APTX: variants seen among roughly 807,000 people sequenced by gnomAD.
APTX encodes forkhead-associated domain histidine triad-like protein.
APTX carries 33 observed loss-of-function variants against 42.3 expected under a neutral mutation model. That is an observed-to-expected ratio of 0.78 (90% CI 0.59 to 1.04). The LOEUF is 1.04. Among genes scored for constraint, APTX ranks in the 50% least tolerant of loss-of-function variants. The pLI is 0.00. For synonymous variants in APTX, 130 were observed against 146.7 expected (o/e 0.89, Z 0.82); for missense variants, 421 against 415.1 (o/e 1.01, Z -0.12).
chr9:33,012,292 GA>G (rs966703041), intron 1 of APTX, among the ~76,000 whole-genome samples: 4 of 150,362 alleles, frequency 2.7e-5, no homozygotes, highest in African/African-American at 7.3e-5. Flanking sequence ...CATGATTAAA[GA>G]AAAAAAAAGA....
intron 4 of APTX, among the ~76,000 whole-genome samples, chr9:32,986,985 G>A (rs566297034): frequency 2.0e-5 from 3 of 151,666 alleles, no homozygotes; most frequent in Admixed American, 1.3e-4. Context: ...GCTAATTTTT[G>A]TATTTTTAGT....
chr9:32,987,314 G>A (rs1024582810), intron 4 of APTX, among the ~76,000 whole-genome samples: 4 of 152,140 alleles, frequency 2.6e-5, no homozygotes, highest in African/African-American at 9.7e-5. Context: ...TCAATGTTAA[G>A]TACACACTGC....
At chr9:33,006,598 G>C (rs1049214025), upstream of APTX, among the ~76,000 whole-genome samples, 1 of 152,142 alleles carries the variant, frequency 6.6e-6, no homozygotes, top group African/African-American at 2.4e-5. Context: ...AATTCTGAGA[G>C]AGAGTATAGC....
At chr9:33,015,565 G>A (rs1837839736) in intron 1 of APTX, among the ~76,000 whole-genome samples, 1 of 152,082 alleles carries the variant, frequency 6.6e-6, no homozygotes. Context: ...CACCATGTTG[G>A]CCAGGCTGGC....
intron 1 of APTX, chr9:33,019,694 G>T (rs553111278): frequency 1.2e-5 from 6 of 503,974 alleles, no homozygotes; most frequent in Non-Finnish European, 2.1e-5. Context: ...CATTTTCCCA[G>T]GCCAGGCTTA....
intron 5 of APTX, among the ~76,000 whole-genome samples, chr9:32,985,653 T>C (rs1240589469): frequency 6.6e-6 from 1 of 152,142 alleles, no homozygotes; most frequent in African/African-American, 2.4e-5. Flanking sequence ...ACAGTACTAC[T>C]GTCACAGTGT....
intron 5 of APTX, among the ~76,000 whole-genome samples, chr9:32,985,326 G>GTTTTTTT (rs5897530): frequency 1.2e-4 from 12 of 103,074 alleles, no homozygotes; most frequent in African/African-American, 1.8e-4. Context: ...GATGATGCCT[G>GTTTTTTT]TTTTTTTTTT....
rs267606665 is a variant in APTX, at chr9:32,984,733, A to G, written c.668T>C (p.Leu223Pro). 6.2e-7 allele frequency: 1 copy of G among 1,614,188 alleles called. No individual in the cohort carries two copies. The highest frequency in any genetic ancestry group is 8.5e-7 in the Non-Finnish European group (1 of 1,180,032). Residue 223 changes from leucine (L) to proline (P), a missense_variant, in exon 6 of 8, where the codon CTC becomes CCC. Coordinates refer to ENST00000379817, the MANE Select transcript of APTX (RefSeq NM_001195248.2). Reference protein sequence around the residue: ...LKAVAREHLELLKHMHTVGEK... With the variant: ...LKAVAREHLEPLKHMHTVGEK... Reference sequence around the variant, plus strand: ...CCCCACAGTGTGCATATGCTTAAGGAGTTCAAGGTGTTCCCTGGCCACAGC... The same window carrying G: ...CCCCACAGTGTGCATATGCTTAAGGGGTTCAAGGTGTTCCCTGGCCACAGC...
upstream of APTX, among the ~76,000 whole-genome samples, chr9:33,003,940 C>T (rs1420844129): frequency 2.0e-5 from 3 of 152,126 alleles, no homozygotes; most frequent in Non-Finnish European, 4.4e-5. Context: ...GTGAATAATG[C>T]TGCTATGAAC....
chr9:32,986,124 G>A, intron 4 of APTX, 94 bp from the exon 5 acceptor site: 1 of 1,127,906 alleles, frequency 8.9e-7, no homozygotes, highest in Non-Finnish European at 1.3e-6. Flanking sequence ...AGTTAATACT[G>A]TGTGATAGCA....
chr9:32,995,595 C>T (rs186818892), intron 1 of APTX, among the ~76,000 whole-genome samples: 10 of 152,174 alleles, frequency 6.6e-5, no homozygotes, highest in South Asian at 4.2e-4. Context: ...ATTACCAAAA[C>T]GCCAACAAAG....
intron 6 of APTX, among the ~76,000 whole-genome samples, chr9:32,983,516 T>C (rs1053719538): frequency 6.6e-6 from 1 of 152,218 alleles, no homozygotes; most frequent in African/African-American, 2.4e-5. Flanking sequence ...ATGTAAGTTA[T>C]GCCTCAACTT....
At chr9:32,976,455 A>C (rs1195054924) in intron 6 of APTX, among the ~76,000 whole-genome samples, 1 of 152,216 alleles carries the variant, frequency 6.6e-6, no homozygotes. Flanking sequence ...GATGAATTAC[A>C]TGAATAGAAA....
intron 3 of APTX, 106 bp downstream of exon 3, chr9:32,987,977 C>A: frequency 6.6e-7 from 1 of 1,507,118 alleles, no homozygotes; most frequent in South Asian, 1.1e-5. Context: ...TACTCCATCA[C>A]TTCCATACAT....
intron 1 of APTX, among the ~76,000 whole-genome samples, chr9:32,990,254 C>G (rs1364871323): frequency 1.3e-5 from 2 of 152,168 alleles, no homozygotes; most frequent in African/African-American, 4.8e-5. Flanking sequence ...CTCACGGCAA[C>G]CTCCACCTTC....
In APTX at chr9:33,022,136, G is replaced by A. The variant is rs77671907; in HGVS notation, c.-5+2887C>T. On this transcript the variant is annotated intron_variant, in intron 1 of 6. Transcript: ENST00000436040. ...TAAAAATTAAAATCTTTATATGGCC[G>A]AAAAATATATATATAGATACTAAGT... is the stretch of plus-strand genomic sequence containing the variant. Among the ~76,000 whole-genome samples the A allele has an allele frequency of 4.3e-3, 655 of 151,942 alleles. 17 individuals are homozygous for A. In the East Asian group the frequency reaches 0.045, roughly 10 times the overall value.
intron 1 of APTX, among the ~76,000 whole-genome samples, chr9:33,014,189 T>C (rs1413500641): frequency 6.6e-6 from 1 of 152,210 alleles, no homozygotes; most frequent in Non-Finnish European, 1.5e-5. Flanking sequence ...AACCTGGATG[T>C]AGGAGTCTAA....
Position 32,986,027 on chromosome 9 carries a change from A to G in APTX, c.487T>C (p.Ser163Pro). The G allele has an allele frequency of 9.9e-7, 1 of 1,011,852 alleles. No individual in the cohort carries two copies. The allele number at this position is 1,011,852 out of a possible 1,614,324, so 62.7% of individuals were successfully genotyped here. Reference protein sequence around the residue: ...KGKDAPIKKESLGHWSQGLKI... With the variant: ...KGKDAPIKKEPLGHWSQGLKI... ...AAGCCTTGACTCCAGTGGCCCAGGG[A>G]TTCCTAAAAAAAAAACAAAAAAAAA... is the stretch of plus-strand genomic sequence containing the variant. Residue 163 changes from serine (S) to proline (P), a missense_variant, in exon 5 of 8, where the codon TCC becomes CCC. Physicochemically the swap from Ser to Pro is moderately conservative, Grantham distance 74. Coordinates refer to ENST00000379817, the MANE Select transcript of APTX (RefSeq NM_001195248.2).
upstream of APTX, among the ~76,000 whole-genome samples, chr9:33,003,050 A>G (rs1412068230): frequency 6.6e-6 from 1 of 152,204 alleles, no homozygotes; most frequent in Non-Finnish European, 1.5e-5. Flanking sequence ...CAACTGCCCA[A>G]GATAAAAAGA....
Sources: allele counts gnomAD v4.1 joint callset (sites outside exome capture counted in the v4.1 genomes callset), GRCh38; gene constraint gnomAD v4.1.1; transcripts MANE v1.5; gene names NCBI Gene and HGNC (gene_info 2026-07-23, HGNC 2026-07-21).